Variants in KATNAL1 observed in about 807,000 individuals in gnomAD.
KATNAL1 encodes the protein katanin p60 ATPase-containing subunit A-like 1.
KATNAL1 carries 32 observed loss-of-function variants against 55.2 expected under a neutral mutation model. The ratio of observed to expected loss-of-function variants is 0.58; its 90% CI spans 0.44 to 0.78. KATNAL1 has a LOEUF of 0.78. Among genes scored for constraint, KATNAL1 ranks in the 30% least tolerant of loss-of-function variants. KATNAL1 has a pLI of 0.00. For synonymous variants in KATNAL1, 193 were observed against 193.6 expected, an observed-to-expected ratio of 1.00 and a Z score of 0.02; for missense variants, 466 against 600.9, an observed-to-expected ratio of 0.78 and a Z score of 2.35.
chr13:30,237,550 A>G (rs554431625), intron 6 of KATNAL1, among the ~76,000 whole-genome samples: 1 of 152,240 alleles, frequency 6.6e-6, no homozygotes, highest in Admixed American at 6.5e-5. Context: ...ATATAATCTG[A>G]TCTTAAAACT....
chr13:30,227,831 A>C (rs538150509), intron 8 of KATNAL1, among the ~76,000 whole-genome samples: 4 of 152,212 alleles, frequency 2.6e-5, no homozygotes, highest in Admixed American at 2.6e-4. Flanking sequence ...TTTCTGTAAG[A>C]AAATGAATGT....
intron 8 of KATNAL1, 25 bp downstream of exon 8, chr13:30,230,443 G>A: frequency 6.3e-7 from 1 of 1,595,574 alleles, no homozygotes; most frequent in Non-Finnish European, 8.5e-7. Flanking sequence ...TGAGAGTTTT[G>A]AAACAATAAT....
At chr13:30,230,665 T>A (rs1217848514) in intron 7 of KATNAL1, 71 bp from the exon 8 acceptor site, 28 of 1,195,938 alleles carry the variant, frequency 2.3e-5, no homozygotes, top group Non-Finnish European at 2.9e-5. Flanking sequence ...AAAAAATCTT[T>A]TAAAACAATG....
intron 4 of KATNAL1, 113 bp downstream of exon 4, chr13:30,255,329 CTTTTT>C: frequency 1.2e-6 from 1 of 820,700 alleles, no homozygotes; most frequent in Non-Finnish European, 1.8e-6. Flanking sequence ...TTGAATGAGA[CTTTTT>C]TCTAACTCTT....
chr13:30,241,448 T>A (rs970570720), intron 4 of KATNAL1, among the ~76,000 whole-genome samples: 19 of 152,316 alleles, frequency 1.2e-4, no homozygotes, highest in African/African-American at 4.3e-4. Context: ...AGGATCTTTT[T>A]AAATAGTATT....
chr13:30,210,572 A>G, intron 9 of KATNAL1, 130 bp from the exon 10 acceptor site: 1 of 545,562 alleles, frequency 1.8e-6, no homozygotes, highest in Non-Finnish European at 3.1e-6. Context: ...TGTGTCCATT[A>G]GTATTATTAC....
chr13:30,229,192 C>T (rs1404717035), intron 8 of KATNAL1, among the ~76,000 whole-genome samples: 1 of 152,012 alleles, frequency 6.6e-6, no homozygotes, highest in Non-Finnish European at 1.5e-5. Flanking sequence ...CTCCTCAGGG[C>T]CCTTTTTCTC....
chr13:30,300,241 TTACAA>T (rs2137570715), intron 1 of KATNAL1, among the ~76,000 whole-genome samples: 1 of 152,366 alleles, frequency 6.6e-6, no homozygotes. Context: ...TCAGTTATAC[TTACAA>T]TACATATGAG....
chr13:30,301,461 G>T (rs1882851337), intron 1 of KATNAL1, among the ~76,000 whole-genome samples: 1 of 152,184 alleles, frequency 6.6e-6, no homozygotes, highest in African/African-American at 2.4e-5. Context: ...TTTATTGAAT[G>T]CTAACTCCCC....
chr13:30,250,476 C>T (rs1482308257), intron 4 of KATNAL1, among the ~76,000 whole-genome samples: 2 of 152,074 alleles, frequency 1.3e-5, no homozygotes, highest in Non-Finnish European at 2.9e-5. Flanking sequence ...GCTAGATTAT[C>T]ATTATTCATC....
At chr13:30,303,280 C>G (rs1189234284) in intron 1 of KATNAL1, among the ~76,000 whole-genome samples, 2 of 152,244 alleles carry the variant, frequency 1.3e-5, no homozygotes, top group Non-Finnish European at 2.9e-5. Context: ...TTTTAAACTA[C>G]TCTCACAATC....
At chr13:30,288,788 T>C (rs1419093983) in intron 1 of KATNAL1, among the ~76,000 whole-genome samples, 1 of 152,232 alleles carries the variant, frequency 6.6e-6, no homozygotes, top group Non-Finnish European at 1.5e-5. Flanking sequence ...CAAATTGCTG[T>C]ACAGCAGGGC....
chr13:30,238,209 G>A (rs1368041399), intron 6 of KATNAL1, among the ~76,000 whole-genome samples: 2 of 152,100 alleles, frequency 1.3e-5, no homozygotes, highest in African/African-American at 4.8e-5. Context: ...CTTCCCATTT[G>A]AATCTTCCAC....
At chr13:30,237,922 T>C (rs1164339649) in intron 6 of KATNAL1, among the ~76,000 whole-genome samples, 1 of 152,156 alleles carries the variant, frequency 6.6e-6, no homozygotes, top group Non-Finnish European at 1.5e-5. Context: ...ATCCAAAAGG[T>C]TACCAACTTC....
intron 2 of KATNAL1, among the ~76,000 whole-genome samples, chr13:30,281,127 AAAAAAAAAAAG>A (rs972033464): frequency 6.8e-6 from 1 of 148,074 alleles, no homozygotes; most frequent in African/African-American, 2.5e-5. Context: ...CATGTCAAAA[AAAAAAAAAAAG>A]AAAAGAAAAG....
intron 1 of KATNAL1, among the ~76,000 whole-genome samples, chr13:30,294,626 G>T (rs147286799): frequency 6.6e-6 from 1 of 152,356 alleles, no homozygotes; most frequent in African/African-American, 2.4e-5. Context: ...TCTAGAACTA[G>T]CTAAGATCAT....
rs189811756 is a variant in KATNAL1, at chr13:30,286,999, T to C, written c.-14-3208A>G. Among the ~76,000 whole-genome samples the C allele has an allele frequency of 2.0e-5, 3 of 152,352 alleles. No homozygotes were observed. In the East Asian group the frequency reaches 5.8e-4, roughly 29 times the overall value. On this transcript the variant is annotated intron_variant, in intron 1 of 10. Transcript: ENST00000380615. ...ATTTCTCCCATTTGGAACAGGTATA[T>C]TTACCCAATGCTTATACTCCCCTTA...
Position 30,255,523 on chromosome 13 carries a change from G to A in KATNAL1, c.416C>T (p.Ala139Val), listed in dbSNP as rs778109163. 3.1e-6 allele frequency: 5 copies of A among 1,598,220 alleles called. No individual in the cohort carries two copies. Among genetic ancestry groups the A allele is most frequent in the South Asian group, 1.1e-5 (1 of 89,598 alleles). Residue 139 changes from alanine (A) to valine (V), a missense_variant, in exon 4 of 11, where the codon GCA becomes GTA. This residue lies in a region of KATNAL1 where 248 missense variants were observed against 275.5 expected (regional missense o/e 0.90). Transcript: ENST00000380615. ...CTTTTCACTCTTTGATATAGGATGTGCTCGGCCTACAGGTCCCCGGGCTCC... is the reference window on the plus strand; with the variant it reads ...CTTTTCACTCTTTGATATAGGATGTACTCGGCCTACAGGTCCCCGGGCTCC... ...GVGARGPVGRAHPISKSEKPS... is the reference protein window; with the variant it reads ...GVGARGPVGRVHPISKSEKPS...
rs182548147 is a variant in KATNAL1, at chr13:30,217,083, G to A, written c.1148-6641C>T. Among the ~76,000 whole-genome samples, 16 of 152,150 alleles carry A rather than the reference G, an allele frequency of 1.1e-4. No individual in the cohort carries two copies. The East Asian group carries it at 2.7e-3, about 26-fold the overall frequency. ...TAGTAACTATGATTGGTGGCGGGGG[G>A]GTGGGGAACAAGTAACTTAAAACTG... On this transcript the variant is annotated intron_variant, in intron 9 of 10. Transcript: ENST00000380615.
Sources: gnomAD v4.1 joint callset for allele counts (sites outside exome capture counted in the v4.1 genomes callset) on GRCh38, gnomAD v4.1.1 for gene constraint, gnomAD v4.1.1 regional missense constraint, MANE v1.5 for transcripts, NCBI Gene and HGNC (gene_info 2026-07-23, HGNC 2026-07-21) for gene names.